ABHD12B: variants seen among roughly 807,000 people sequenced by gnomAD.
ABHD12B encodes abhydrolase domain containing 12B.
ABHD12B carries 42 observed loss-of-function variants against 50.4 expected under a neutral mutation model. The observed-to-expected ratio is 0.83, with a 90% CI of 0.65 to 1.08. The LOEUF is 1.08. Ranked by LOEUF, ABHD12B falls within the 50% of genes least tolerant of loss-of-function variation. The probability of loss-of-function intolerance (pLI) is 0.00; values close to 1 mark genes in which losing one functional copy is unlikely to be tolerated. For missense variants in ABHD12B, 479 were observed against 447.7 expected (o/e 1.07, Z -0.63); for synonymous variants, 167 against 160.3 (o/e 1.04, Z -0.32).
chr14:50,872,366 C>G (rs1373899178), intron 1 of ABHD12B, 88 bp downstream of exon 1: 4 of 959,142 alleles, frequency 4.2e-6, no homozygotes, highest in Middle Eastern at 3.8e-4. Context: ...CGGCCGAGGC[C>G]GCAATCCCCT....
rs1329676914 is a variant in ABHD12B at position 50,897,073 on chromosome 14, T to G, written c.781-4756T>G. Among the ~76,000 whole-genome samples the G allele has an allele frequency of 1.5e-4, 9 of 60,962 alleles. No individual in the cohort carries two copies. The Admixed American group carries it at 1.9e-3, about 13-fold the overall frequency. 40.0% of individuals were successfully genotyped at this position (60,962 alleles called of 152,430 possible). Reference sequence around the variant, plus strand: ...TAATAATATTATGATTTAGTTTAGTTTTTTTTTTTTTTTTTTGAGATGGAG... The same window carrying G: ...TAATAATATTATGATTTAGTTTAGTGTTTTTTTTTTTTTTTTGAGATGGAG... On this transcript the variant is annotated intron_variant, in intron 9 of 12. Coordinates refer to ENST00000337334, the MANE Select transcript of ABHD12B (RefSeq NM_001206673.2).
chr14:50,879,983 C>T (rs1419381270), intron 3 of ABHD12B, among the ~76,000 whole-genome samples: 2 of 152,234 alleles, frequency 1.3e-5, no homozygotes. Context: ...TGTTTAAAAT[C>T]ACAAGGTTTC....
Position 50,890,563 on chromosome 14 carries a change from T to C in ABHD12B, c.780+1660T>C, listed in dbSNP as rs543110058. On this transcript the variant is annotated intron_variant, in intron 9 of 12. Coordinates refer to ENST00000337334, the MANE Select transcript of ABHD12B (RefSeq NM_001206673.2). ...TGTGAACTTTATATGAAAGTAAAAT[T>C]ATATAGAATATATTTTATTTTTTTC... 1.5e-4 allele frequency among the ~76,000 whole-genome samples: 23 copies of C among 152,342 alleles called. No individual in the cohort carries two copies. In the South Asian group the frequency reaches 2.7e-3, roughly 18 times the overall value.
Position 50,881,509 on chromosome 14 carries a change from C to G in ABHD12B, c.456-87C>G, listed in dbSNP as rs1017651139. 14 of 1,443,110 alleles carry G rather than the reference C, an allele frequency of 9.7e-6. 1 individual carries two copies. The Middle Eastern group carries it at 9.0e-4, about 93-fold the overall frequency. The allele number at this position is 1,443,110 out of a possible 1,614,324, so 89.4% of individuals were successfully genotyped here. A position where few individuals can be genotyped will look rare whatever the true frequency, so the allele number is the denominator to read the frequency against. On this transcript the variant is annotated intron_variant, in intron 4 of 12. Coordinates refer to ENST00000337334, the MANE Select transcript of ABHD12B (RefSeq NM_001206673.2). ...AAGAGAAAGGCGTGAGATCAGATAC[C>G]AGCAGCACGAGAGTGATTTTTATTG... is the stretch of plus-strand genomic sequence containing the variant.
At chr14:50,897,385 T>C (rs2050212079) in intron 9 of ABHD12B, among the ~76,000 whole-genome samples, 4 of 152,184 alleles carry the variant, frequency 2.6e-5, no homozygotes, top group Admixed American at 2.6e-4. Context: ...ATGATTTAGT[T>C]TTCATATCTT....
intron 9 of ABHD12B, chr14:50,893,483 C>T (rs2142757725): frequency 6.6e-6 from 1 of 151,870 alleles, no homozygotes; most frequent in Middle Eastern, 3.4e-3. Flanking sequence ...TCCTATAAAA[C>T]AGCCCCACCC....
intron 1 of ABHD12B, 109 bp downstream of exon 1, chr14:50,872,387 G>C: frequency 1.3e-6 from 1 of 782,918 alleles, no homozygotes; most frequent in Non-Finnish European, 1.7e-6. Flanking sequence ...CTGCTGGCCC[G>C]GGCCCAAGGC....
Position 50,904,811 on chromosome 14 carries a change from A to ATTT in ABHD12B, c.*445_*446insTTT, listed in dbSNP as rs1365344076. 50 of 235,412 alleles carry ATTT rather than the reference A, an allele frequency of 2.1e-4. No individual in the cohort carries two copies. Among genetic ancestry groups the ATTT allele is most frequent in the South Asian group, 1.4e-3 (22 of 15,864 alleles). The allele number at this position is 235,412 out of a possible 1,614,324, so 14.6% of individuals were successfully genotyped here. ...AGTGCCCTTATAAATTATGACCAAA[A>ATTT]GAGCTCTTCACTCCTCCTACCATTT... On this transcript the variant is annotated 3_prime_UTR_variant, in exon 13 of 13. Transcript: ENST00000337334.
chr14:50,888,668 T>C (rs1404813479), intron 8 of ABHD12B, among the ~76,000 whole-genome samples, 156 bp from the exon 9 acceptor site: 1 of 152,182 alleles, frequency 6.6e-6, no homozygotes, highest in Non-Finnish European at 1.5e-5. Context: ...CTCATAAATA[T>C]GAGGTGGGGT....
intron 9 of ABHD12B, among the ~76,000 whole-genome samples, chr14:50,890,828 G>A (rs2050107269): frequency 6.6e-6 from 1 of 152,182 alleles, no homozygotes; most frequent in Admixed American, 6.5e-5. Flanking sequence ...GTATACCCTA[G>A]GAGTAGAATT....
intron 4 of ABHD12B, 104 bp from the exon 5 acceptor site, chr14:50,881,492 G>A (rs1022874776): frequency 5.8e-6 from 7 of 1,203,918 alleles, no homozygotes; most frequent in Non-Finnish European, 8.1e-6. Context: ...GAAAGAGAAA[G>A]GCGTGAGATC....
intron 1 of ABHD12B, among the ~76,000 whole-genome samples, chr14:50,874,967 A>T (rs895615804): frequency 1.3e-5 from 2 of 152,374 alleles, no homozygotes; most frequent in East Asian, 3.9e-4. Flanking sequence ...CTCCCTTACA[A>T]AATAAATGCA....
intron 3 of ABHD12B, among the ~76,000 whole-genome samples, chr14:50,880,216 G>A (rs930112694): frequency 6.6e-6 from 1 of 152,124 alleles, no homozygotes; most frequent in African/African-American, 2.4e-5. Flanking sequence ...TCAGAAGAAC[G>A]AAAACAGTAA....
chr14:50,901,934 T>C lies in ABHD12B; in HGVS notation c.863+23T>C, dbSNP rs775472986. On this transcript the variant is annotated intron_variant, in intron 10 of 12. Coordinates refer to ENST00000337334, the MANE Select transcript of ABHD12B (RefSeq NM_001206673.2). ...AAAGTAAGTTAATGATGAAAAGACATGCATTATTACTGTATCTAAAGGATT... is the reference window on the plus strand; with the variant it reads ...AAAGTAAGTTAATGATGAAAAGACACGCATTATTACTGTATCTAAAGGATT... 22 of 1,524,900 alleles carry C rather than the reference T, an allele frequency of 1.4e-5. No individual in the cohort carries two copies. In the South Asian group the frequency reaches 2.6e-4, roughly 18 times the overall value. The allele number at this position is 1,524,900 out of a possible 1,614,324, so 94.5% of individuals were successfully genotyped here.
chr14:50,901,814 C>A lies in ABHD12B; in HGVS notation c.781-15C>A. 6.4e-7 allele frequency: 1 copy of A among 1,555,842 alleles called. No homozygotes were observed. Among genetic ancestry groups the A allele is most frequent in the Admixed American group, 2.0e-5 (1 of 49,664 alleles). Reference sequence around the variant, plus strand: ...ATGGGGCAAATATTAATTTTTTTTTCTTTTTTAAAAATAGATTTACCGGAA... The same window carrying A: ...ATGGGGCAAATATTAATTTTTTTTTATTTTTTAAAAATAGATTTACCGGAA... On this transcript the variant is annotated splice_polypyrimidine_tract_variant and intron_variant, in intron 9 of 12. Coordinates refer to ENST00000337334, the MANE Select transcript of ABHD12B (RefSeq NM_001206673.2).
chr14:50,873,735 T>G (rs941391406), intron 1 of ABHD12B, among the ~76,000 whole-genome samples: 1 of 152,220 alleles, frequency 6.6e-6, no homozygotes, highest in Non-Finnish European at 1.5e-5. Context: ...ACTTTGATGG[T>G]CTCTGTGGAA....
chr14:50,875,337 C>T lies in ABHD12B; in HGVS notation c.105-2615C>T, dbSNP rs533013512. ...CACATGTCGACTGAGTGAATTGGCA[C>T]ACAGGTTGAAGGTACCTGTCTTAAT... On this transcript the variant is annotated intron_variant, in intron 1 of 12. Coordinates refer to ENST00000337334, the MANE Select transcript of ABHD12B (RefSeq NM_001206673.2). Among the ~76,000 whole-genome samples, 3 of 152,336 alleles carry T rather than the reference C, an allele frequency of 2.0e-5. No homozygotes were observed. The South Asian group carries it at 6.2e-4, about 32-fold the overall frequency.
intron 1 of ABHD12B, among the ~76,000 whole-genome samples, chr14:50,872,716 G>A (rs910902346): frequency 2.0e-5 from 3 of 152,162 alleles, no homozygotes; most frequent in African/African-American, 4.8e-5. Context: ...ATCTGTGTAG[G>A]TGGAAAAGAA....
At chr14:50,886,864 T>G (rs1429266133) in intron 8 of ABHD12B, among the ~76,000 whole-genome samples, 180 bp downstream of exon 8, 2 of 151,046 alleles carry the variant, frequency 1.3e-5, no homozygotes, top group African/African-American at 2.5e-5. Context: ...ACAAGAGCTG[T>G]TTTTTCAGAT....
Sources: gnomAD v4.1 joint callset for allele counts (sites outside exome capture counted in the v4.1 genomes callset) on GRCh38, gnomAD v4.1.1 for gene constraint, MANE v1.5 for transcripts, NCBI Gene and HGNC (gene_info 2026-07-23, HGNC 2026-07-21) for gene names.